Variants in MKRN1 observed in about 807,000 individuals in gnomAD.
MKRN1 encodes E3 ubiquitin-protein ligase makorin-1.
Under a neutral mutation model 55.5 loss-of-function variants are expected in MKRN1, and 9 were observed. The ratio of observed to expected loss-of-function variants is 0.16; its 90% CI spans 0.10 to 0.28. The LOEUF is 0.28. MKRN1 is among the 10% of genes least tolerant of loss of function. MKRN1 has a pLI of 1.00. For missense variants in MKRN1, 488 were observed against 626.7 expected, an observed-to-expected ratio of 0.78 and a Z score of 2.36; for synonymous variants, 253 against 235.9, an observed-to-expected ratio of 1.07 and a Z score of -0.66.
At position 140,459,343 on chromosome 7, in the gene MKRN1, A is replaced by G. The variant is rs1047707258; in HGVS notation, c.545-110T>C. ...AAAATAAAACTGCAATGAAATACCA[A>G]AACAGTCTACTGAACTAACTTCTTC... On this transcript the variant is annotated intron_variant, in intron 3 of 7. Transcript: ENST00000255977. 1.1e-5 allele frequency: 12 copies of G among 1,069,254 alleles called. No homozygotes were observed. The African/African-American group carries it at 1.7e-4, about 15-fold the overall frequency. 66.2% of individuals were successfully genotyped at this position (1,069,254 alleles called of 1,614,324 possible). A position where few individuals can be genotyped will look rare whatever the true frequency, so the allele number is the denominator to read the frequency against.
intron 1 of MKRN1, chr7:140,478,418 T>A (rs953378487): frequency 2.6e-5 from 4 of 152,086 alleles, no homozygotes; most frequent in Non-Finnish European, 5.9e-5. Context: ...TTCACTCCCT[T>A]CGGAAGATGC....
chr7:140,471,093 T>C (rs1224208482), intron 2 of MKRN1, among the ~76,000 whole-genome samples: 1 of 152,130 alleles, frequency 6.6e-6, no homozygotes, highest in Non-Finnish European at 1.5e-5. Context: ...CTACTAAATT[T>C]GGGGATGGGC....
chr7:140,454,443 G>A lies in MKRN1; in HGVS notation c.*74C>T, dbSNP rs1430988540. 28 of 1,428,940 alleles carry A rather than the reference G, an allele frequency of 2.0e-5. No homozygotes were observed. The highest frequency in any genetic ancestry group is 7.1e-5 in the East Asian group (3 of 42,218). The allele number at this position is 1,428,940 out of a possible 1,614,324, so 88.5% of individuals were successfully genotyped here. The stretch of plus-strand genomic sequence containing the variant: ...AGAGGCCTGCCTAGGAGAGAACACA[G>A]GCACTGCCACACCACCACAGGGGAC... On this transcript the variant is annotated 3_prime_UTR_variant, in exon 8 of 8. Coordinates refer to ENST00000255977, the MANE Select transcript of MKRN1 (RefSeq NM_013446.4).
At chr7:140,469,951 G>C (rs1415542286) in intron 2 of MKRN1, among the ~76,000 whole-genome samples, 1 of 151,534 alleles carries the variant, frequency 6.6e-6, no homozygotes, top group Non-Finnish European at 1.5e-5. Context: ...GGGAGGCTGA[G>C]GCAGGAGAAT....
intron 1 of MKRN1, among the ~76,000 whole-genome samples, chr7:140,477,408 G>C (rs1336672931): frequency 6.6e-6 from 1 of 151,904 alleles, no homozygotes; most frequent in South Asian, 2.1e-4. Context: ...CGCAACCTCT[G>C]CCTCCTGGGT....
In MKRN1 at chr7:140,459,774, T is replaced by C. The variant is rs1360804191; in HGVS notation, c.477A>G (p.Val159=). The C allele has an allele frequency of 6.2e-7, 1 of 1,613,856 alleles. No individual in the cohort carries two copies. The highest frequency in any genetic ancestry group is 2.2e-5 in the East Asian group (1 of 44,890). Residue 159 remains valine (V), a synonymous_variant, in exon 3 of 8, where the codon GTA becomes GTG. Transcript: ENST00000255977. ...TCACCCAGTCCTCTGAACCTGCTCC[T>C]ACAGTTGCAAAGTTTGAATTTCTTG... ...AESRNSNFAT[V]GAGSEDWVNA...
Position 140,454,308 on chromosome 7 carries a change from T to A in MKRN1, c.*209A>T, listed in dbSNP as rs1794407067. ...TGTTACAAAAAACTAACTTTAAGAT[T>A]TATTTTTGTAACTTTTTTCAACAGG... On this transcript the variant is annotated 3_prime_UTR_variant, in exon 8 of 8. Transcript: ENST00000255977. 5.1e-6 allele frequency: 3 copies of A among 588,854 alleles called. No homozygotes were observed. The South Asian group carries it at 6.2e-5, about 12-fold the overall frequency. The allele number at this position is 588,854 out of a possible 1,614,324, so 36.5% of individuals were successfully genotyped here.
At chr7:140,463,729 C>A (rs1260020237) in intron 2 of MKRN1, among the ~76,000 whole-genome samples, 2 of 151,832 alleles carry the variant, frequency 1.3e-5, no homozygotes, top group African/African-American at 4.8e-5. Flanking sequence ...ACTAAAAATA[C>A]AAAAAATTAG....
At chr7:140,474,425 C>A in intron 1 of MKRN1, 1 of 369,374 alleles carries the variant, frequency 2.7e-6, no homozygotes, top group Non-Finnish European at 5.6e-6. Context: ...ATTGCTTGAA[C>A]TCGCAGTGGG....
intron 1 of MKRN1, chr7:140,478,212 A>G (rs1488547601): frequency 6.6e-6 from 1 of 152,258 alleles, no homozygotes; most frequent in Non-Finnish European, 1.5e-5. Flanking sequence ...AGAAAAGCTT[A>G]CAGTCGCTAC....
rs1408803384 is a variant in MKRN1 at position 140,454,043 on chromosome 7, A to C, written c.*474T>G. 5.4e-6 allele frequency: 1 copy of C among 186,868 alleles called. No individual in the cohort carries two copies. Among genetic ancestry groups the C allele is most frequent in the African/African-American group, 2.3e-5 (1 of 42,940 alleles). 11.6% of individuals were successfully genotyped at this position (186,868 alleles called of 1,614,324 possible). A position where few individuals can be genotyped will look rare whatever the true frequency, so the allele number is the denominator to read the frequency against. ...GGGTAGGGAACAGATATAAAAACAC[A>C]GATGTGCAGATTTCACCAGAAACCT... On this transcript the variant is annotated 3_prime_UTR_variant, in exon 8 of 8. Transcript: ENST00000255977.
chr7:140,457,326 T>A (rs1025467799), intron 4 of MKRN1, among the ~76,000 whole-genome samples: 1 of 152,204 alleles, frequency 6.6e-6, no homozygotes, highest in African/African-American at 2.4e-5. Context: ...CTTGATAGAC[T>A]GATGCACACT....
At chr7:140,471,765 G>A (rs1794933807) in intron 2 of MKRN1, 118 bp downstream of exon 2, 1 of 1,400,358 alleles carries the variant, frequency 7.1e-7, no homozygotes, top group Non-Finnish European at 9.6e-7. Context: ...CCACTGCCCA[G>A]CCAAGAGTCA....
intron 2 of MKRN1, among the ~76,000 whole-genome samples, chr7:140,469,909 G>A (rs1220443563): frequency 6.6e-6 from 1 of 151,942 alleles, no homozygotes; most frequent in Non-Finnish European, 1.5e-5. Context: ...TTAGCTGAGT[G>A]TGGCGGTGCA....
intron 4 of MKRN1, 176 bp from the exon 5 acceptor site, chr7:140,457,042 TTG>T (rs201881699): frequency 1.2e-5 from 7 of 575,430 alleles, no homozygotes; most frequent in South Asian, 5.2e-5. Context: ...TGTTTTTTTT[TTG>T]TTTGTTTGTT....
rs760069606 is a variant in MKRN1, at chr7:140,456,750, C to T, written c.888G>A (p.Glu296=). 27 of 1,613,944 alleles carry T rather than the reference C, an allele frequency of 1.7e-5. No homozygotes were observed. In the South Asian group the frequency reaches 3.0e-4, roughly 18 times the overall value. The change falls in exon 5 of 8, where the codon GAG becomes GAA. Residue 296 remains glutamate (E), a synonymous_variant. Coordinates refer to ENST00000255977, the MANE Select transcript of MKRN1 (RefSeq NM_013446.4). ...AGTTGGAGAGGATCCCGAAGCGGCG[C>T]TCACTGGGGTTGGCTTTCTCATAGA... ...EVVYEKANPS[E]RRFGILSNCN...
chr7:140,461,565 G>T (rs1342669101), intron 2 of MKRN1, among the ~76,000 whole-genome samples: 2 of 152,092 alleles, frequency 1.3e-5, no homozygotes, highest in Non-Finnish European at 2.9e-5. Flanking sequence ...AACATGGGAG[G>T]TGGAGGGTGC....
intron 2 of MKRN1, among the ~76,000 whole-genome samples, chr7:140,469,802 C>G (rs1361321604): frequency 6.6e-6 from 1 of 151,790 alleles, no homozygotes; most frequent in Non-Finnish European, 1.5e-5. Flanking sequence ...CTCATGCCTA[C>G]AATCCCAGCA....
At chr7:140,463,390 T>G (rs1216918590) in intron 2 of MKRN1, among the ~76,000 whole-genome samples, 1 of 152,226 alleles carries the variant, frequency 6.6e-6, no homozygotes. Context: ...AGCCAACCAC[T>G]GCCCACATCT....
Sources: gnomAD v4.1 joint callset for allele counts (sites outside exome capture counted in the v4.1 genomes callset) on GRCh38, gnomAD v4.1.1 for gene constraint, MANE v1.5 for transcripts, NCBI Gene and HGNC (gene_info 2026-07-23, HGNC 2026-07-21) for gene names.